Variants in EEF2K observed in about 807,000 individuals in gnomAD.
The protein encoded by EEF2K is alternative protein EEF2K.
Under a neutral mutation model 93.8 loss-of-function variants are expected in EEF2K, and 70 were observed. That is an observed-to-expected ratio of 0.75 (90% CI 0.62 to 0.91). EEF2K has a LOEUF of 0.91. Ranked by LOEUF, EEF2K falls within the 40% of genes least tolerant of loss-of-function variation. The probability of loss-of-function intolerance (pLI) is 0.00; values close to 1 mark genes in which losing one functional copy is unlikely to be tolerated. For synonymous variants in EEF2K, 376 were observed against 380.8 expected (o/e 0.99, Z 0.15); for missense variants, 935 against 972.9 (o/e 0.96, Z 0.52).
chr16:22,268,643 T>A (rs985813547), intron 15 of EEF2K, among the ~76,000 whole-genome samples: 1 of 145,560 alleles, frequency 6.9e-6, no homozygotes, highest in African/African-American at 2.8e-5. Flanking sequence ...AAGAAGTTTT[T>A]TTTTTTAATT....
chr16:22,209,225 T>G (rs1263313616), intron 1 of EEF2K, among the ~76,000 whole-genome samples: 1 of 152,166 alleles, frequency 6.6e-6, no homozygotes, highest in Non-Finnish European at 1.5e-5. Flanking sequence ...AGAGATGGGA[T>G]TTCACTGTGT....
chr16:22,228,728 G>C (rs1394468569), intron 2 of EEF2K, among the ~76,000 whole-genome samples: 1 of 152,144 alleles, frequency 6.6e-6, no homozygotes, highest in African/African-American at 2.4e-5. Context: ...ATATAATTTA[G>C]TTATCTTGAC....
chr16:22,274,347 G>A (rs1289908916), intron 16 of EEF2K, among the ~76,000 whole-genome samples: 2 of 151,804 alleles, frequency 1.3e-5, no homozygotes, highest in Non-Finnish European at 2.9e-5. Flanking sequence ...AGGAGGCTGA[G>A]GCAGGAGAAT....
At chr16:22,221,623 C>T (rs565718052) in intron 1 of EEF2K, among the ~76,000 whole-genome samples, 3 of 152,082 alleles carry the variant, frequency 2.0e-5, no homozygotes, top group Non-Finnish European at 4.4e-5. Context: ...AGCCTTGGCT[C>T]TAGAAGACTG....
intron 1 of EEF2K, among the ~76,000 whole-genome samples, chr16:22,215,181 A>G (rs1166225251): frequency 6.6e-6 from 1 of 152,194 alleles, no homozygotes; most frequent in Non-Finnish European, 1.5e-5. Context: ...TCAGTTTTTC[A>G]TCTGCCACGC....
chr16:22,275,993 G>C (rs2141686682), intron 16 of EEF2K, among the ~76,000 whole-genome samples: 1 of 152,098 alleles, frequency 6.6e-6, no homozygotes, highest in Admixed American at 6.6e-5. Context: ...TGTCACCCAG[G>C]CTGGAGTGCA....
At chr16:22,220,443 C>CTT (rs10635872) in intron 1 of EEF2K, among the ~76,000 whole-genome samples, 43,081 of 149,630 alleles carry the variant, frequency 0.29, 7,014 homozygotes, top group East Asian at 0.57. Context: ...TCTGAGCGTG[C>CTT]TTTTTTTTTT....
rs1351283684 is a variant in EEF2K, at chr16:22,265,721, C to T, written c.1441-669C>T. 2.6e-4 allele frequency among the ~76,000 whole-genome samples: 39 copies of T among 152,258 alleles called. 1 individual carries two copies. The highest frequency in any genetic ancestry group is 2.6e-3 in the Admixed American group (39 of 15,284). Reference sequence around the variant, plus strand: ...TGTTTAGCATGCAAACGTGCACACGCACAGCTGCCTGGCTGTATCCTGCAA... The same window carrying T: ...TGTTTAGCATGCAAACGTGCACACGTACAGCTGCCTGGCTGTATCCTGCAA... On this transcript the variant is annotated intron_variant, in intron 13 of 17. Coordinates refer to ENST00000263026, the MANE Select transcript of EEF2K (RefSeq NM_013302.5).
chr16:22,280,478 A>T (rs953003109), intron 17 of EEF2K, 102 bp downstream of exon 17: 2 of 1,246,846 alleles, frequency 1.6e-6, no homozygotes, highest in Admixed American at 4.0e-5. Flanking sequence ...TGACAGGCTG[A>T]ATCTTCTTCC....
chr16:22,260,378 T>G (rs1598195290), intron 10 of EEF2K, 84 bp from the exon 11 acceptor site: 2 of 1,411,492 alleles, frequency 1.4e-6, no homozygotes. Context: ...TGGTGGCAGG[T>G]ATGGACCGCC....
At chr16:22,261,210 C>CA (rs1230983939) in intron 11 of EEF2K, among the ~76,000 whole-genome samples, 8 of 151,656 alleles carry the variant, frequency 5.3e-5, no homozygotes, top group Admixed American at 2.6e-4. Flanking sequence ...CCCATCTCTA[C>CA]AAAAAAATAC....
intron 2 of EEF2K, among the ~76,000 whole-genome samples, chr16:22,242,139 A>G (rs2047229506): frequency 6.6e-6 from 1 of 152,068 alleles, no homozygotes; most frequent in Non-Finnish European, 1.5e-5. Flanking sequence ...GAGAGACCTT[A>G]TTCCTATTTA....
intron 15 of EEF2K, among the ~76,000 whole-genome samples, chr16:22,272,434 C>T (rs1015195225): frequency 4.6e-5 from 7 of 152,144 alleles, no homozygotes; most frequent in African/African-American, 1.7e-4. Context: ...CGCAAAGGAC[C>T]ACATATTGTA....
rs139935693 is a variant in EEF2K, at chr16:22,263,110, G to T, written c.1300G>T (p.Glu434Ter). 182 of 1,611,588 alleles carry T rather than the reference G, an allele frequency of 1.1e-4. No individual in the cohort carries two copies. Among genetic ancestry groups the T allele is most frequent in the Middle Eastern group, 1.6e-4 (1 of 6,076 alleles). The change falls in exon 12 of 18, where the codon GAG (glutamate) becomes TAG (stop). Residue 434 changes from glutamate (E) to a stop codon, truncating the protein, a stop_gained and splice_region_variant. Transcript: ENST00000263026. LOFTEE classifies it high-confidence loss of function. Reference protein sequence around the residue: ...RDHDHLDNHRESENSGDSGYP... With the variant: ...RDHDHLDNHR ...CCCTAAGGCCGTCTTCTCTCCACAG[G>T]AGTCTGAGAATAGTGGGGACAGCGG...
At chr16:22,264,454 G>C (rs1183789770) in intron 12 of EEF2K, among the ~76,000 whole-genome samples, 2 of 152,096 alleles carry the variant, frequency 1.3e-5, no homozygotes, top group East Asian at 3.9e-4. Flanking sequence ...CTGGGCAACA[G>C]AGCAAGACCC....
Position 22,213,262 on chromosome 16 carries a change from AGAGT to A in EEF2K, c.-77+6587_-77+6590del, listed in dbSNP as rs1239356459. Among the ~76,000 whole-genome samples, 8 of 152,346 alleles carry A rather than the reference AGAGT, an allele frequency of 5.3e-5. No homozygotes were observed. The East Asian group carries it at 9.6e-4, about 18-fold the overall frequency. ...GTTGCTGCACTCCAGCCTGGGCGAC[AGAGT>A]GAGACTCCATCTCAAAAAACAAAAG... On this transcript the variant is annotated intron_variant, in intron 1 of 17. Transcript: ENST00000263026.
intron 1 of EEF2K, among the ~76,000 whole-genome samples, chr16:22,213,892 T>C (rs9926711): frequency 0.43 from 65,236 of 152,104 alleles, 15,923 homozygotes; most frequent in East Asian, 0.88. Flanking sequence ...GGATAATCCA[T>C]GACTGTCTCC....
At chr16:22,259,614 T>C (rs1458321638) in intron 10 of EEF2K, among the ~76,000 whole-genome samples, 1 of 152,202 alleles carries the variant, frequency 6.6e-6, no homozygotes, top group African/African-American at 2.4e-5. Flanking sequence ...ACTCTATGGA[T>C]GGTGAAATTT....
intron 17 of EEF2K, among the ~76,000 whole-genome samples, chr16:22,282,454 C>G (rs2047703297): frequency 6.6e-6 from 1 of 152,294 alleles, no homozygotes; most frequent in Non-Finnish European, 1.5e-5. Context: ...TCCTCACAGG[C>G]TGCTAGAATA....
Sources: allele counts gnomAD v4.1 joint callset (sites outside exome capture counted in the v4.1 genomes callset), GRCh38; gene constraint gnomAD v4.1.1; transcripts MANE v1.5; gene names NCBI Gene and HGNC (gene_info 2026-07-23, HGNC 2026-07-21).